The following SLFN12L variants were observed in gnomAD, a reference collection of about 807,000 sequenced individuals.
SLFN12L encodes schlafen family member 12-like.
Under a neutral mutation model 34.8 loss-of-function variants are expected in SLFN12L, and 34 were observed. That is an observed-to-expected ratio of 0.98 (90% CI 0.74 to 1.30). SLFN12L has a LOEUF of 1.30. Ranked by LOEUF, SLFN12L falls within the 50% of genes most tolerant of loss-of-function variation. The probability of loss-of-function intolerance (pLI) is 0.00; values close to 1 mark genes in which losing one functional copy is unlikely to be tolerated. For missense variants in SLFN12L, 703 were observed against 696.2 expected (o/e 1.01, Z -0.11); for synonymous variants, 259 against 247.5 (o/e 1.05, Z -0.44).
At chr17:35,501,517 C>A (rs1915294446) in intron 2 of SLFN12L, among the ~76,000 whole-genome samples, 1 of 152,140 alleles carries the variant, frequency 6.6e-6, no homozygotes, top group Non-Finnish European at 1.5e-5. Flanking sequence ...GGTTTTGATT[C>A]TGGTTTGGTG....
intron 2 of SLFN12L, chr17:35,489,891 T>C: frequency 2.4e-6 from 2 of 844,616 alleles, no homozygotes; most frequent in Non-Finnish European, 3.7e-6. Context: ...TGTGGAATAT[T>C]ATGACAGTTT....
chr17:35,479,596 C>T lies in SLFN12L; in HGVS notation c.686G>A (p.Arg229Lys). 6.2e-7 allele frequency: 1 copy of T among 1,612,838 alleles called. No homozygotes were observed. Among genetic ancestry groups the T allele is most frequent in the Non-Finnish European group, 8.5e-7 (1 of 1,179,526 alleles). The change falls in exon 3 of 5, where the codon AGA becomes AAA. Residue 229 changes from arginine (R) to lysine (K), a missense_variant. Physicochemically the swap from Arg to Lys is conservative, Grantham distance 26 (BLOSUM62 2). Coordinates refer to ENST00000628453, the MANE Select transcript of SLFN12L (RefSeq NM_001363830.2). ...MEALAADFFN[R>K]TELGYKEKLT... ...TTTTTCTTTATAACCAAGTTCTGTTCTGTTAAAAAAATCAGCAGCCAAGGC... is the reference window on the plus strand; with the variant it reads ...TTTTTCTTTATAACCAAGTTCTGTTTTGTTAAAAAAATCAGCAGCCAAGGC...
chr17:35,524,811 T>TCA, intron 1 of SLFN12L, among the ~76,000 whole-genome samples: 1 of 152,120 alleles, frequency 6.6e-6, no homozygotes, highest in Non-Finnish European at 1.5e-5. Flanking sequence ...CTCCAAAGGA[T>TCA]CACAACTCCT....
chr17:35,495,842 G>A (rs1450666246), intron 2 of SLFN12L, among the ~76,000 whole-genome samples: 4 of 151,744 alleles, frequency 2.6e-5, no homozygotes, highest in Non-Finnish European at 5.9e-5. Flanking sequence ...CCACTGGGAT[G>A]AGGGCAGAAT....
In SLFN12L at chr17:35,489,934, CA is replaced by C. The variant is rs530567429; in HGVS notation, c.87-9740del. ...ACAGCATCTTATGCTCCAAGTGGGA[CA>C]AAAATCCCACAACCAGTCATGATTT... On this transcript the variant is annotated intron_variant, in intron 2 of 4. Transcript: ENST00000628453. The C allele has an allele frequency of 1.4e-3, 1,793 of 1,257,196 alleles. 43 individuals are homozygous for C. The Admixed American group carries it at 0.032, about 22-fold the overall frequency. The allele number at this position is 1,257,196 out of a possible 1,614,324, so 77.9% of individuals were successfully genotyped here.
chr17:35,490,191 G>A (rs1914778309), intron 2 of SLFN12L: 1 of 1,602,584 alleles, frequency 6.2e-7, no homozygotes, highest in African/African-American at 1.3e-5. Flanking sequence ...CCAGCGCTGG[G>A]ACGAGGCGGC....
At chr17:35,530,401 GGAA>G (rs1567693389) in intron 1 of SLFN12L, among the ~76,000 whole-genome samples, 322 of 10,292 alleles carry the variant, frequency 0.031, 32 homozygotes, top group African/African-American at 0.088. Context: ...AAGGAAGGAA[GGAA>G]GGAAGGAAGG....
chr17:35,530,534 A>G, intron 1 of SLFN12L, among the ~76,000 whole-genome samples: 1 of 28,368 alleles, frequency 3.5e-5, no homozygotes, highest in Non-Finnish European at 1.2e-4. Context: ...AAAGAAAAGA[A>G]AAGAAAAGAA....
At chr17:35,509,876 T>A (rs1238092417) in intron 2 of SLFN12L, among the ~76,000 whole-genome samples, 3 of 152,032 alleles carry the variant, frequency 2.0e-5, no homozygotes, top group Non-Finnish European at 4.4e-5. Flanking sequence ...TTTTTGTATT[T>A]TTAGTAGAAA....
intron 2 of SLFN12L, among the ~76,000 whole-genome samples, chr17:35,481,417 C>T (rs557658222): frequency 7.2e-5 from 11 of 152,366 alleles, no homozygotes; most frequent in Admixed American, 1.3e-4. Context: ...ACCCTGTACA[C>T]CTGGGTCTGC....
At chr17:35,511,070 T>C (rs1372330804) in intron 2 of SLFN12L, among the ~76,000 whole-genome samples, 1 of 152,220 alleles carries the variant, frequency 6.6e-6, no homozygotes, top group African/African-American at 2.4e-5. Context: ...GTTTATCTTA[T>C]TCTATTTTGA....
intron 2 of SLFN12L, among the ~76,000 whole-genome samples, chr17:35,510,476 A>G (rs753765727): frequency 6.6e-6 from 1 of 152,258 alleles, no homozygotes; most frequent in East Asian, 1.9e-4. Flanking sequence ...TGAAAACTTT[A>G]TGTTACGTGA....
In SLFN12L at chr17:35,468,381, T is replaced by C. The variant is rs1192180017; in HGVS notation, c.*6542A>G. 6.6e-6 allele frequency among the ~76,000 whole-genome samples: 1 copy of C among 152,154 alleles called. No homozygotes were observed. The highest frequency in any genetic ancestry group is 1.9e-4 in the East Asian group (1 of 5,200). On this transcript the variant is annotated 3_prime_UTR_variant, in exon 5 of 5. Transcript: ENST00000628453. ...CAAGACCCATATCCTAGATGACATT[T>C]TCCTGGATAGGCACTCACTGCTGGA...
chr17:35,515,072 T>C, intron 2 of SLFN12L: 4 of 615,496 alleles, frequency 6.5e-6, no homozygotes, highest in South Asian at 1.4e-5. Flanking sequence ...TTCTTTATTC[T>C]GGACGCCTAT....
At chr17:35,523,575 T>G (rs976392758) in intron 1 of SLFN12L, among the ~76,000 whole-genome samples, 2 of 152,176 alleles carry the variant, frequency 1.3e-5, no homozygotes, top group African/African-American at 2.4e-5. Context: ...ACAAAAGTCT[T>G]CTCTTTGTCA....
At position 35,479,550 on chromosome 17, in the gene SLFN12L, TGTGGATTCAGTAAAG is replaced by T. The variant is rs770683548; in HGVS notation, c.717_731del (p.Phe240_Thr244del). The T allele has an allele frequency of 2.5e-6, 4 of 1,614,180 alleles. No individual in the cohort carries two copies. In the South Asian group the frequency reaches 4.4e-5, roughly 18 times the overall value. Reference sequence around the variant, plus strand: ...TCGAGAAGTTTTTTATTTCAACGTGTGTGGATTCAGTAAAGGTCAATTTTTCTTTATAACCAAGTT... The same window carrying T: ...TCGAGAAGTTTTTTATTTCAACGTGTGTCAATTTTTCTTTATAACCAAGTT... On this transcript the variant is annotated inframe_deletion, in exon 3 of 5. Coordinates refer to ENST00000628453, the MANE Select transcript of SLFN12L (RefSeq NM_001363830.2).
At chr17:35,533,975 G>C (rs1280621646) in intron 1 of SLFN12L, among the ~76,000 whole-genome samples, 1 of 152,160 alleles carries the variant, frequency 6.6e-6, no homozygotes, top group East Asian at 1.9e-4. Context: ...GGGAGGCTGA[G>C]GCACGAGAAT....
intron 2 of SLFN12L, among the ~76,000 whole-genome samples, chr17:35,516,157 C>G (rs1017910432): frequency 6.6e-6 from 1 of 152,134 alleles, no homozygotes; most frequent in Admixed American, 6.6e-5. Flanking sequence ...TCTGAGGAAA[C>G]TATTTCCCTT....
chr17:35,469,156 G>A lies in SLFN12L; in HGVS notation c.*5767C>T, dbSNP rs1018647544. On this transcript the variant is annotated 3_prime_UTR_variant, in exon 5 of 5. Transcript: ENST00000628453. ...CTACTACCCCCTCAAGCTTTCCCCC[G>A]TGACTTCCTGCCCTGTGTCTCTGAC... 5.6e-5 allele frequency among the ~76,000 whole-genome samples: 8 copies of A among 143,696 alleles called. No homozygotes were observed. Among genetic ancestry groups the A allele is most frequent in the African/African-American group, 7.9e-5 (3 of 38,166 alleles). 94.3% of individuals were successfully genotyped at this position (143,696 alleles called of 152,430 possible).
Sources: allele counts gnomAD v4.1 joint callset (sites outside exome capture counted in the v4.1 genomes callset), GRCh38; gene constraint gnomAD v4.1.1; transcripts MANE v1.5; gene names NCBI Gene and HGNC (gene_info 2026-07-23, HGNC 2026-07-21).